RAB26: variants seen among roughly 807,000 people sequenced by gnomAD.
RAB26 encodes the protein ras-related protein Rab-26.
Under a neutral mutation model 33.1 loss-of-function variants are expected in RAB26, and 39 were observed. The observed-to-expected ratio is 1.18, with a 90% CI of 0.91 to 1.54. The LOEUF (loss-of-function observed/expected upper bound fraction) is 1.54. RAB26 is among the 40% of genes most tolerant of loss of function. The probability of loss-of-function intolerance (pLI) is 0.00; values close to 1 mark genes in which losing one functional copy is unlikely to be tolerated. For missense variants in RAB26, 468 were observed against 362.9 expected, an observed-to-expected ratio of 1.29 and a Z score of -2.35; for synonymous variants, 192 against 151.9, an observed-to-expected ratio of 1.26 and a Z score of -1.94.
At position 2,148,948 on chromosome 16, in the gene RAB26, C is replaced by T; in HGVS notation, c.165C>T (p.Gly55=). ...PLQPGRPSLG[G]GVDFYDVAFK... ...AGCCCGGCCGGCCCTCGCTTGGCGG[C>T]GGTGTCGACTTCTACGACGTCGCCT... Residue 55 remains glycine, a synonymous_variant, in exon 1 of 9, where the codon GGC becomes GGT. Transcript: ENST00000210187. 3.1e-6 allele frequency: 4 copies of T among 1,288,098 alleles called. No individual in the cohort carries two copies. The highest frequency in any genetic ancestry group is 3.9e-6 in the Non-Finnish European group (4 of 1,016,396). 79.8% of individuals were successfully genotyped at this position (1,288,098 alleles called of 1,614,324 possible). A position where few individuals can be genotyped will look rare whatever the true frequency, so the allele number is the denominator to read the frequency against.
Position 2,148,813 on chromosome 16 carries a change from A to AT in RAB26, c.30_31insT (p.Gly11TrpfsTer90). 1 of 1,404,702 alleles carries AT rather than the reference A, an allele frequency of 7.1e-7. No homozygotes were observed. 87.0% of individuals were successfully genotyped at this position (1,404,702 alleles called of 1,614,324 possible). ...CCAGGAAGAAGACCCCCAAGAGCAA[A>AT]GGGGCCAGCACCCCCGCTGCCTCCA... On this transcript the variant is annotated frameshift_variant, in exon 1 of 9. Transcript: ENST00000210187. LOFTEE classifies it high-confidence loss of function.
chr16:2,148,535 T>G, upstream of RAB26: 1 of 154,778 alleles, frequency 6.5e-6, no homozygotes, highest in Non-Finnish European at 1.4e-5. Flanking sequence ...GGGGGTGTAT[T>G]TGCATGTCCC....
chr16:2,148,693 T>TTCGGGTCCGGGTCGGGC lies in RAB26; in HGVS notation c.-86_-70dup. The TTCGGGTCCGGGTCGGGC allele has an allele frequency of 9.0e-7, 1 of 1,106,786 alleles. No homozygotes were observed. The highest frequency in any genetic ancestry group is 4.6e-5 in the South Asian group (1 of 21,786). 68.6% of individuals were successfully genotyped at this position (1,106,786 alleles called of 1,614,324 possible). ...GCCGCCGCCGCCGCCAGGGGAAGGG[T>TTCGGGTCCGGGTCGGGC]TCGGGTCCGGGTCGGGCTCGGCGGG... is the stretch of plus-strand genomic sequence containing the variant. On this transcript the variant is annotated 5_prime_UTR_variant, in exon 1 of 9. An upstream open reading frame in the 5' UTR loses its in-frame stop. Transcript: ENST00000210187.
rs909643421 is a variant in RAB26 at position 2,152,831 on chromosome 16, C to CG, written c.481dup (p.Glu161GlyfsTer24). 5.0e-6 allele frequency: 8 copies of CG among 1,606,560 alleles called. No individual in the cohort carries two copies. Among genetic ancestry groups the CG allele is most frequent in the Non-Finnish European group, 6.8e-6 (8 of 1,177,898 alleles). On this transcript the variant is annotated frameshift_variant, in exon 6 of 9. Transcript: ENST00000210187. LOFTEE classifies it high-confidence loss of function. ...GCTGCCTCCCACAGGCCTGGCTGAC[C>CG]GAGATCCACGAGTACGCCCAGCACG...
chr16:2,153,769 A>C lies in RAB26; in HGVS notation c.*348A>C. 2.0e-6 allele frequency: 1 copy of C among 496,678 alleles called. No individual in the cohort carries two copies. 30.8% of individuals were successfully genotyped at this position (496,678 alleles called of 1,614,324 possible). A position where few individuals can be genotyped will look rare whatever the true frequency, so the allele number is the denominator to read the frequency against. ...CCACGCACAGTGCCTAACCCTAGAA[A>C]AGCCATGTCTTCAGCCGCACATGCT... On this transcript the variant is annotated 3_prime_UTR_variant, in exon 9 of 9. Coordinates refer to ENST00000210187, the MANE Select transcript of RAB26 (RefSeq NM_014353.5).
chr16:2,150,640 C>T (rs1035981616), intron 2 of RAB26, among the ~76,000 whole-genome samples: 1 of 33,802 alleles, frequency 3.0e-5, no homozygotes, highest in Non-Finnish European at 1.4e-4. Flanking sequence ...GTTCCAAGTC[C>T]CCTCAAGTCC....
At chr16:2,152,007 TGAGA>T (rs1029201931) in intron 5 of RAB26, 99 bp downstream of exon 5, 1 of 1,479,954 alleles carries the variant, frequency 6.8e-7, no homozygotes. Context: ...AGGACCCCGC[TGAGA>T]GAGGGGAGGG....
chr16:2,151,749 CG>C lies in RAB26; in HGVS notation c.406del (p.Asp136MetfsTer24). 4 of 1,613,942 alleles carry C rather than the reference CG, an allele frequency of 2.5e-6. No homozygotes were observed. Among genetic ancestry groups the C allele is most frequent in the African/African-American group, 1.3e-5 (1 of 75,042 alleles). On this transcript the variant is annotated frameshift_variant, in exon 4 of 9. Transcript: ENST00000210187. LOFTEE classifies it high-confidence loss of function. Reference protein sequence around the residue: ...RFRSVTHAYYRDAHALLLLYD... With the variant: ...RFRSVTHAYYXDAHALLLLYD... ...CCGCAGTGTTACCCATGCCTACTAC[CG>C]GGATGCTCATGGTGAGCCCCTGGGT...
Position 2,148,985 on chromosome 16 carries a change from C to T in RAB26, c.195+7C>T, listed in dbSNP as rs961396908. The stretch of plus-strand genomic sequence containing the variant: ...CTACGACGTCGCCTTCAAGGTGAGC[C>T]AGGCACCCGCCCCCCAGGCCAGCGC... On this transcript the variant is annotated splice_region_variant and intron_variant, in intron 1 of 8. Transcript: ENST00000210187. 9.4e-6 allele frequency: 12 copies of T among 1,273,978 alleles called. No homozygotes were observed. The African/African-American group carries it at 1.2e-4, about 13-fold the overall frequency. The allele number at this position is 1,273,978 out of a possible 1,614,324, so 78.9% of individuals were successfully genotyped here.
Position 2,153,875 on chromosome 16 carries a change from G to A in RAB26, c.*454G>A, listed in dbSNP as rs1480872934. On this transcript the variant is annotated 3_prime_UTR_variant, in exon 9 of 9. Transcript: ENST00000210187. ...ATCACATCGTGCATCTGTGTGTCCT[G>A]GGAGCTGCCTGCTCCCGGCCCACCC... 2.2e-6 allele frequency: 1 copy of A among 457,312 alleles called. No individual in the cohort carries two copies. Among genetic ancestry groups the A allele is most frequent in the Non-Finnish European group, 4.4e-6 (1 of 227,670 alleles). The allele number at this position is 457,312 out of a possible 1,614,324, so 28.3% of individuals were successfully genotyped here. A position where few individuals can be genotyped will look rare whatever the true frequency, so the allele number is the denominator to read the frequency against.
At chr16:2,150,100 C>T (rs1308975693) in intron 2 of RAB26, 49 bp downstream of exon 2, 9 of 1,475,130 alleles carry the variant, frequency 6.1e-6, no homozygotes, top group South Asian at 5.2e-5. Flanking sequence ...CGCCGGTACC[C>T]GAGCAGCAAG....
rs745313974 is a variant in RAB26 at position 2,153,230 on chromosome 16, C to T, written c.668+8C>T. On this transcript the variant is annotated splice_region_variant and intron_variant, in intron 8 of 8. Transcript: ENST00000210187. ...CTTCACAGCCATAGCAAAGTAAGTCCTGCCAGTCACCAGGACTCCCCCAGC... is the reference window on the plus strand; with the variant it reads ...CTTCACAGCCATAGCAAAGTAAGTCTTGCCAGTCACCAGGACTCCCCCAGC... 8.1e-6 allele frequency: 13 copies of T among 1,613,802 alleles called. No homozygotes were observed. Among genetic ancestry groups the T allele is most frequent in the Non-Finnish European group, 1.0e-5 (12 of 1,180,002 alleles).
rs577186201 is a variant in RAB26 at position 2,151,464 on chromosome 16, G to C, written c.307-105G>C. On this transcript the variant is annotated intron_variant, in intron 2 of 8. Transcript: ENST00000210187. Reference sequence around the variant, plus strand: ...AGGGAAGCCTGCAGGGGCTGGGCTGGACCTGGGAGCTGGGAGGTCTCAGGG... The same window carrying C: ...AGGGAAGCCTGCAGGGGCTGGGCTGCACCTGGGAGCTGGGAGGTCTCAGGG... 7 of 1,530,590 alleles carry C rather than the reference G, an allele frequency of 4.6e-6. No individual in the cohort carries two copies. The South Asian group carries it at 7.9e-5, about 17-fold the overall frequency. 94.8% of individuals were successfully genotyped at this position (1,530,590 alleles called of 1,614,324 possible). A position where few individuals can be genotyped will look rare whatever the true frequency, so the allele number is the denominator to read the frequency against.
In RAB26 at chr16:2,151,356, G is replaced by C. The variant is rs149412064; in HGVS notation, c.307-213G>C. On this transcript the variant is annotated intron_variant, in intron 2 of 8. Coordinates refer to ENST00000210187, the MANE Select transcript of RAB26 (RefSeq NM_014353.5). The stretch of plus-strand genomic sequence containing the variant: ...GGGTCATGAGTTCAAATAAGTCAGC[G>C]TAAGAGGCTCTAAGCAGGAATAGTG... 45 of 648,934 alleles carry C rather than the reference G, an allele frequency of 6.9e-5. No homozygotes were observed. The East Asian group carries it at 9.3e-4, about 13-fold the overall frequency. 40.2% of individuals were successfully genotyped at this position (648,934 alleles called of 1,614,324 possible).
At chr16:2,152,482 C>G (rs766092543) in intron 5 of RAB26, among the ~76,000 whole-genome samples, 1 of 152,066 alleles carries the variant, frequency 6.6e-6, no homozygotes. Flanking sequence ...CCAGCCTGAT[C>G]AACATGGTGA....
At position 2,153,731 on chromosome 16, in the gene RAB26, G is replaced by A. The variant is rs757089624; in HGVS notation, c.*310G>A. ...CCTGGGCACGTCCAGGTGAGGGAGG[G>A]CTGGGGCTGGCACCACGCACAGTGC... On this transcript the variant is annotated 3_prime_UTR_variant, in exon 9 of 9. Transcript: ENST00000210187. 10 of 565,432 alleles carry A rather than the reference G, an allele frequency of 1.8e-5. No individual in the cohort carries two copies. Among genetic ancestry groups the A allele is most frequent in the South Asian group, 1.5e-4 (10 of 65,554 alleles). 35.0% of individuals were successfully genotyped at this position (565,432 alleles called of 1,614,324 possible).
chr16:2,151,258 C>T (rs1482253142), intron 2 of RAB26: 2 of 556,182 alleles, frequency 3.6e-6, no homozygotes, highest in Admixed American at 2.5e-5. Flanking sequence ...AAGGCTGAGG[C>T]GTTGCAGCTC....
intron 5 of RAB26, among the ~76,000 whole-genome samples, 180 bp from the exon 6 acceptor site, chr16:2,152,640 T>G (rs1304449736): frequency 7.5e-6 from 1 of 133,998 alleles, no homozygotes; most frequent in East Asian, 2.2e-4. Context: ...CTGCAGTGAG[T>G]CGAGATGGAG....
At chr16:2,151,334 T>C in intron 2 of RAB26, 1 of 623,388 alleles carries the variant, frequency 1.6e-6, no homozygotes, top group Non-Finnish European at 2.9e-6. Context: ...CCTGGTGGGG[T>C]CATGAGTTCA....
Sources: gnomAD v4.1 joint callset for allele counts (sites outside exome capture counted in the v4.1 genomes callset) on GRCh38, gnomAD v4.1.1 for gene constraint, MANE v1.5 for transcripts, NCBI Gene and HGNC (gene_info 2026-07-23, HGNC 2026-07-21) for gene names.